SHANK1: variants seen among roughly 807,000 people sequenced by gnomAD.
SHANK1 encodes SH3 and multiple ankyrin repeat domains protein 1.
A neutral mutation model predicts 165.6 loss-of-function variants in SHANK1; 35 were observed. The observed-to-expected ratio is 0.21, with a 90% CI of 0.16 to 0.28. The LOEUF is 0.28. SHANK1 is among the 10% of genes least tolerant of loss of function. SHANK1 has a pLI of 1.00. For missense variants in SHANK1, 2,681 were observed against 3,036.4 expected (o/e 0.88, Z 2.75); for synonymous variants, 1,428 against 1,384.8 (o/e 1.03, Z -0.69).
Position 50,703,613 on chromosome 19 carries a change from C to T in SHANK1, c.1440G>A (p.Lys480=). ...GQSQPSAPTT[K]LSSGTLRSAS... ...CACTTCGGAGGGTCCCGCTGCTGAG[C>T]TTGGTGGTGGGGGCCGAGGGCTGCG... Residue 480 remains lysine, a synonymous_variant, in exon 11 of 24, where the codon AAG becomes AAA. Coordinates refer to ENST00000293441, the MANE Select transcript of SHANK1 (RefSeq NM_016148.5). 6.4e-7 allele frequency: 1 copy of T among 1,557,986 alleles called. No individual in the cohort carries two copies. The highest frequency in any genetic ancestry group is 8.7e-7 in the Non-Finnish European group (1 of 1,154,318).
chr19:50,686,603 G>T lies in SHANK1; in HGVS notation c.2458+141C>A. 1.2e-6 allele frequency: 1 copy of T among 805,818 alleles called. No individual in the cohort carries two copies. Among genetic ancestry groups the T allele is most frequent in the East Asian group, 2.7e-5 (1 of 37,464 alleles). The allele number at this position is 805,818 out of a possible 1,614,324, so 49.9% of individuals were successfully genotyped here. A position where few individuals can be genotyped will look rare whatever the true frequency, so the allele number is the denominator to read the frequency against. ...ACGGGGCAGCCGTCGGGAGAGGGCG[G>T]GCGGAGGGAGGGGAGGTGGGATCGC... is the stretch of plus-strand genomic sequence containing the variant. On this transcript the variant is annotated intron_variant, in intron 20 of 23. Transcript: ENST00000293441. This position sits in a 1 kb window ranked among gnomAD's most constrained non-coding sequence, Gnocchi z 5.7.
chr19:50,711,415 C>T lies in SHANK1; in HGVS notation c.1033G>A (p.Ala345Thr), dbSNP rs1428611597. 2.6e-6 allele frequency: 4 copies of T among 1,560,712 alleles called. No individual in the cohort carries two copies. The highest frequency in any genetic ancestry group is 1.7e-4 in the Middle Eastern group (1 of 6,018). ...FYGAEPGAQN[A>T]SGNTALHICA... ...ATGTGCAGAGCCGTGTTCCCCGAGG[C>T]GTTCTGGGCTCCAGGCTCAGCCCCG... The change falls in exon 8 of 24, where the codon GCC becomes ACC. Residue 345 changes from alanine to threonine, a missense_variant. Around this residue, in one of 10 missense-constraint regions of SHANK1, gnomAD observed 189 missense variants for 440.9 expected, o/e 0.43. Transcript: ENST00000293441.
chr19:50,695,570 G>C (rs1986713846), intron 15 of SHANK1, among the ~76,000 whole-genome samples: 1 of 151,834 alleles, frequency 6.6e-6, no homozygotes, highest in Non-Finnish European at 1.5e-5. Context: ...TGCAGAGCTA[G>C]AGAGCGCGGG....
At chr19:50,684,368 G>A (rs1439052480) in intron 21 of SHANK1, among the ~76,000 whole-genome samples, 1 of 152,130 alleles carries the variant, frequency 6.6e-6, no homozygotes, top group East Asian at 1.9e-4. Flanking sequence ...TGGGATTACA[G>A]GCACATGCCA....
chr19:50,687,493 A>C, intron 19 of SHANK1, 89 bp downstream of exon 19: 1 of 1,007,310 alleles, frequency 9.9e-7, no homozygotes, highest in Admixed American at 2.7e-5. Flanking sequence ...ACCCCTGGTC[A>C]CTAACAACAC....
At chr19:50,687,048 G>A (rs768091998) in intron 19 of SHANK1, 4 of 1,473,658 alleles carry the variant, frequency 2.7e-6, no homozygotes, top group African/African-American at 1.5e-5. Flanking sequence ...AGACTAGCCC[G>A]GGGGAGAGGC....
In SHANK1 at chr19:50,667,113, G is replaced by T. The variant is rs144762908; in HGVS notation, c.4847C>A (p.Thr1616Asn). ...CAGGCTGGATGCGGTGGAGTCCAGG[G>T]TGGGAGGGGCTGCGGCCACAGCCGG... is the stretch of plus-strand genomic sequence containing the variant. ...PPPAVAAAPPTLDSTASSLTS... is the reference protein window; with the variant it reads ...PPPAVAAAPPNLDSTASSLTS... The change falls in exon 23 of 24, where the codon ACC becomes AAC. Residue 1616 changes from threonine (T) to asparagine (N), a missense_variant. Thr to Asn is a moderately conservative substitution (Grantham distance 65, BLOSUM62 0). This residue lies in a region of SHANK1 where 1,713 missense variants were observed against 1,630.2 expected (regional missense o/e 1.05). Coordinates refer to ENST00000293441, the MANE Select transcript of SHANK1 (RefSeq NM_016148.5). The surrounding 1 kb of genome is among the most constrained non-coding windows in gnomAD (Gnocchi z 5.7). The T allele has an allele frequency of 2.1e-3, 3,285 of 1,558,494 alleles. 57 individuals are homozygous for T. In the African/African-American group the frequency reaches 0.039, roughly 18 times the overall value.
At position 50,688,980 on chromosome 19, in the gene SHANK1, G is replaced by T. The variant is rs1555743092; in HGVS notation, c.2048-12C>A. The T allele has an allele frequency of 6.5e-7, 1 of 1,537,322 alleles. No homozygotes were observed. The highest frequency in any genetic ancestry group is 8.8e-7 in the Non-Finnish European group (1 of 1,135,666). On this transcript the variant is annotated splice_polypyrimidine_tract_variant and intron_variant, in intron 16 of 23. Transcript: ENST00000293441. This position sits in a 1 kb window ranked among gnomAD's most constrained non-coding sequence, Gnocchi z 6.7. ...GATGGGGGTCTGCGCTGCAGACAGGGAGGAGCCGGCGGGGTCGGAGGGGAG... is the reference window on the plus strand; with the variant it reads ...GATGGGGGTCTGCGCTGCAGACAGGTAGGAGCCGGCGGGGTCGGAGGGGAG...
rs919972624 is a variant in SHANK1, at chr19:50,717,101, C to T, written c.-43-139G>A. 27 of 596,470 alleles carry T rather than the reference C, an allele frequency of 4.5e-5. No individual in the cohort carries two copies. Among genetic ancestry groups the T allele is most frequent in the South Asian group, 3.0e-4 (6 of 19,930 alleles). The allele number at this position is 596,470 out of a possible 1,614,324, so 36.9% of individuals were successfully genotyped here. A position where few individuals can be genotyped will look rare whatever the true frequency, so the allele number is the denominator to read the frequency against. On this transcript the variant is annotated intron_variant, in intron 1 of 23. Coordinates refer to ENST00000293441, the MANE Select transcript of SHANK1 (RefSeq NM_016148.5). This position sits in a 1 kb window ranked among gnomAD's most constrained non-coding sequence, Gnocchi z 5.5. The stretch of plus-strand genomic sequence containing the variant: ...GCAGGAAGGAGGCTGGACACACCCT[C>T]GGCCTGCACGGCCTCCCCTGCCGCC...
chr19:50,706,937 C>T (rs1457265878), intron 8 of SHANK1, among the ~76,000 whole-genome samples: 1 of 151,966 alleles, frequency 6.6e-6, no homozygotes, highest in Non-Finnish European at 1.5e-5. Context: ...ACCACCATGT[C>T]TGGCTAATTT....
chr19:50,697,274 G>A lies in SHANK1; in HGVS notation c.1938-152C>T, dbSNP rs908800807. 32 of 1,230,494 alleles carry A rather than the reference G, an allele frequency of 2.6e-5. No individual in the cohort carries two copies. In the Admixed American group the frequency reaches 3.5e-4, roughly 13 times the overall value. 76.2% of individuals were successfully genotyped at this position (1,230,494 alleles called of 1,614,324 possible). On this transcript the variant is annotated intron_variant, in intron 14 of 23. Coordinates refer to ENST00000293441, the MANE Select transcript of SHANK1 (RefSeq NM_016148.5). This position sits in a 1 kb window ranked among gnomAD's most constrained non-coding sequence, Gnocchi z 4.7. ...ACTGCACATGACTGCACAGAGATGG[G>A]GCACATGAAGGAGACAAGGGCCTCC...
intron 23 of SHANK1, among the ~76,000 whole-genome samples, chr19:50,665,451 C>T (rs1985443245): frequency 6.6e-6 from 1 of 150,996 alleles, no homozygotes; most frequent in East Asian, 2.0e-4. Context: ...CCTGTAATCG[C>T]AGCTACTCAG....
chr19:50,675,073 A>G (rs1413732638), intron 21 of SHANK1, among the ~76,000 whole-genome samples: 1 of 151,516 alleles, frequency 6.6e-6, no homozygotes, highest in Non-Finnish European at 1.5e-5. Flanking sequence ...AAAAAAAAAA[A>G]AAAAAAAAAA....
chr19:50,719,745 G>GCCGCCA lies in SHANK1; in HGVS notation c.-384_-383insTGGCGG, dbSNP rs1744993083. Among the ~76,000 whole-genome samples the GCCGCCA allele has an allele frequency of 6.7e-6, 1 of 149,918 alleles. No individual in the cohort carries two copies. The highest frequency in any genetic ancestry group is 1.5e-5 in the Non-Finnish European group (1 of 67,290). On this transcript the variant is annotated 5_prime_UTR_variant, in exon 1 of 24. Transcript: ENST00000293441. Reference sequence around the variant, plus strand: ...TCCTCTTCCTCGGGCCGCCGCCGCCGCCGCCCGCTCCGCGCCTCCTCTGCC... The same window carrying GCCGCCA: ...TCCTCTTCCTCGGGCCGCCGCCGCCGCCGCCACCGCCCGCTCCGCGCCTCCTCTGCC...
At chr19:50,704,542 C>A (rs776887971) in intron 8 of SHANK1, 28 bp from the exon 9 acceptor site, 2 of 1,598,528 alleles carry the variant, frequency 1.3e-6, no homozygotes, top group Non-Finnish European at 1.7e-6. Context: ...TGGCACAGGA[C>A]AAAGAGAGAG....
rs572212316 is a variant in SHANK1, at chr19:50,690,864, C to T, written c.1965-1585G>A. On this transcript the variant is annotated intron_variant, in intron 15 of 23. Coordinates refer to ENST00000293441, the MANE Select transcript of SHANK1 (RefSeq NM_016148.5). This position sits in a 1 kb window ranked among gnomAD's most constrained non-coding sequence, Gnocchi z 4.9. ...TGTGCTCCACTGTATTTAGGTACCA[C>T]CCCCACAAGCACCCCTGTATGCTCC... 2.6e-5 allele frequency among the ~76,000 whole-genome samples: 4 copies of T among 152,086 alleles called. No individual in the cohort carries two copies. In the East Asian group the frequency reaches 7.7e-4, roughly 29 times the overall value.
Position 50,668,966 on chromosome 19 carries a change from G to T in SHANK1, c.2994C>A (p.His998Gln), listed in dbSNP as rs1202931132. The T allele has an allele frequency of 7.1e-6, 4 of 566,560 alleles. No individual in the cohort carries two copies. Among genetic ancestry groups the T allele is most frequent in the Non-Finnish European group, 1.2e-5 (4 of 334,310 alleles). The allele number at this position is 566,560 out of a possible 1,614,324, so 35.1% of individuals were successfully genotyped here. ...YHSGPLPPAH[H>Q]HPPHHHHHHA... ...GGTGGTGGTGGTGGTGGGGCGGGTG[G>T]TGGTGGGCCGGGGGCAGGGGCCCAC... The change falls in exon 23 of 24, where the codon CAC becomes CAA. Residue 998 changes from histidine to glutamine, a missense_variant. Transcript: ENST00000293441.
In SHANK1 at chr19:50,667,919, C is replaced by T; in HGVS notation, c.4041G>A (p.Leu1347=). Residue 1347 remains leucine, a synonymous_variant, in exon 23 of 24, where the codon CTG becomes CTA. Transcript: ENST00000293441. This position sits in a 1 kb window ranked among gnomAD's most constrained non-coding sequence, Gnocchi z 5.7. ...PLVHPLTGKA[L]DPASPLGLAL... is the part of the protein sequence containing the mutation. ...CCAGCCCCAGCGGGGAGGCGGGATC[C>T]AGGGCCTTGCCGGTCAGCGGGTGCA... 7.3e-7 allele frequency: 1 copy of T among 1,361,060 alleles called. No homozygotes were observed. Among genetic ancestry groups the T allele is most frequent in the Non-Finnish European group, 9.4e-7 (1 of 1,062,472 alleles). 84.3% of individuals were successfully genotyped at this position (1,361,060 alleles called of 1,614,324 possible).
intron 15 of SHANK1, among the ~76,000 whole-genome samples, chr19:50,694,083 T>G (rs936370714): frequency 6.6e-6 from 1 of 150,772 alleles, no homozygotes; most frequent in Non-Finnish European, 1.5e-5. Flanking sequence ...AGCCTCGCTG[T>G]CGCTCCAAGT....
Sources: allele counts gnomAD v4.1 joint callset (sites outside exome capture counted in the v4.1 genomes callset), GRCh38; gene constraint gnomAD v4.1.1; regional missense constraint gnomAD v4.1.1; non-coding constraint Gnocchi (gnomAD v3.1); transcripts MANE v1.5; gene names NCBI Gene and HGNC (gene_info 2026-07-23, HGNC 2026-07-21).